The following PAK5 variants were observed in gnomAD, a reference collection of about 807,000 sequenced individuals.
PAK5 encodes the protein p21 (RAC1) activated kinase 5.
Under a neutral mutation model 65.9 loss-of-function variants are expected in PAK5, and 16 were observed. The ratio of observed to expected loss-of-function variants is 0.24; its 90% CI spans 0.16 to 0.37. PAK5 has a LOEUF of 0.37. Ranked by LOEUF, PAK5 falls within the 10% of genes least tolerant of loss-of-function variation. The pLI, the probability that PAK5 is intolerant of heterozygous loss-of-function variation, is 1.00. For synonymous variants in PAK5, 371 were observed against 354.9 expected (o/e 1.05, Z -0.51); for missense variants, 785 against 903.9 (o/e 0.87, Z 1.69).
chr20:9,657,758 G>A (rs928186489), intron 2 of PAK5, among the ~76,000 whole-genome samples: 3 of 152,162 alleles, frequency 2.0e-5, no homozygotes, highest in African/African-American at 4.8e-5. Context: ...AAAGGGGCAG[G>A]TCTTGCGAAC....
chr20:9,699,975 A>G (rs1439719129), intron 2 of PAK5, among the ~76,000 whole-genome samples: 1 of 152,152 alleles, frequency 6.6e-6, no homozygotes, highest in Non-Finnish European at 1.5e-5. Flanking sequence ...ATATCAAACT[A>G]GTTTTTTGAG....
At chr20:9,713,995 C>T (rs943656852) in intron 1 of PAK5, among the ~76,000 whole-genome samples, 1 of 151,952 alleles carries the variant, frequency 6.6e-6, no homozygotes, top group Non-Finnish European at 1.5e-5. Context: ...TTCAAAATAA[C>T]TAGAAGAGAA....
rs562269357 is a variant in PAK5, at chr20:9,652,435, TA to T, written c.-11-8097del. On this transcript the variant is annotated intron_variant, in intron 2 of 9. Transcript: ENST00000353224. ...ATAATCTAAAAATAAAGTTGTTTTC[TA>T]AAAAAAAATCATTATGTGTCAAAGT... Among the ~76,000 whole-genome samples, 542 of 151,808 alleles carry T rather than the reference TA, an allele frequency of 3.6e-3. 4 individuals are homozygous for T. Among genetic ancestry groups the T allele is most frequent in the African/African-American group, 0.013 (527 of 41,420 alleles).
At chr20:9,643,751 GA>G (rs2047097874) in intron 3 of PAK5, among the ~76,000 whole-genome samples, 1 of 152,040 alleles carries the variant, frequency 6.6e-6, no homozygotes, top group Non-Finnish European at 1.5e-5. Context: ...AGAGCAAATG[GA>G]AAACAACAAA....
intron 4 of PAK5, among the ~76,000 whole-genome samples, chr20:9,574,469 C>T (rs1023410821): frequency 2.0e-5 from 3 of 152,128 alleles, no homozygotes; most frequent in Non-Finnish European, 2.9e-5. Context: ...TCCGTCATCG[C>T]CTGCAGTGAT....
At chr20:9,591,588 G>A (rs2046171826) in intron 3 of PAK5, among the ~76,000 whole-genome samples, 1 of 145,950 alleles carries the variant, frequency 6.9e-6, no homozygotes, top group African/African-American at 2.5e-5. Context: ...CAAAGGAAAT[G>A]TTACATTGCA....
intron 7 of PAK5, among the ~76,000 whole-genome samples, chr20:9,545,863 A>G (rs2045336258): frequency 6.6e-6 from 1 of 152,002 alleles, no homozygotes; most frequent in East Asian, 1.9e-4. Context: ...ACCAACATCA[A>G]TCCAAGAAAA....
intron 2 of PAK5, among the ~76,000 whole-genome samples, chr20:9,666,354 T>G (rs2423396): frequency 0.084 from 11,462 of 137,154 alleles, 525 homozygotes; most frequent in African/African-American, 0.13. Flanking sequence ...GAATGAAAGG[T>G]CAGGCATCAT....
intron 2 of PAK5, among the ~76,000 whole-genome samples, chr20:9,682,478 G>A (rs1385161455): frequency 6.6e-6 from 1 of 152,182 alleles, no homozygotes; most frequent in Non-Finnish European, 1.5e-5. Context: ...TCCTCTCAAG[G>A]CGTTTCCTCA....
intron 3 of PAK5, among the ~76,000 whole-genome samples, chr20:9,601,217 A>G (rs1408538907): frequency 6.6e-6 from 1 of 152,164 alleles, no homozygotes; most frequent in Non-Finnish European, 1.5e-5. Context: ...AAAGATATTC[A>G]CATTGCCTTA....
intron 1 of PAK5, among the ~76,000 whole-genome samples, chr20:9,763,125 G>A (rs1321066766): frequency 6.6e-6 from 1 of 152,080 alleles, no homozygotes; most frequent in African/African-American, 2.4e-5. Context: ...AAGGGGAAAT[G>A]GGGAAGCAAT....
chr20:9,706,681 T>C (rs1569050713), intron 2 of PAK5, among the ~76,000 whole-genome samples: 1 of 151,726 alleles, frequency 6.6e-6, no homozygotes, highest in East Asian at 1.9e-4. Flanking sequence ...GCTGTTGTTG[T>C]TTGTTTTGTA....
intron 2 of PAK5, among the ~76,000 whole-genome samples, chr20:9,691,807 C>T (rs1488203618): frequency 1.3e-5 from 2 of 152,102 alleles, no homozygotes; most frequent in East Asian, 1.9e-4. Context: ...TCAAGAAAAC[C>T]CCATATTCAG....
At position 9,604,879 on chromosome 20, in the gene PAK5, T is replaced by TATC. The variant is rs377218136; in HGVS notation, c.205-23952_205-23950dup. The stretch of plus-strand genomic sequence containing the variant: ...CTTGTACAACTCCTCACTGGGGCGT[T>TATC]ATCTGGGATGCAGCTTTATTCAGAA... On this transcript the variant is annotated intron_variant, in intron 3 of 9. Transcript: ENST00000353224. Among the ~76,000 whole-genome samples the TATC allele has an allele frequency of 7.1e-4, 108 of 152,310 alleles. 2 individuals carry two copies. The East Asian group carries it at 0.021, about 29-fold the overall frequency.
chr20:9,753,188 T>C (rs533213747), intron 1 of PAK5, among the ~76,000 whole-genome samples: 160 of 152,296 alleles, frequency 1.1e-3, no homozygotes, highest in African/African-American at 3.6e-3. Context: ...AAATGCTTGT[T>C]CTAAATTGCT....
At chr20:9,750,916 T>C (rs1055690324) in intron 1 of PAK5, among the ~76,000 whole-genome samples, 3 of 152,152 alleles carry the variant, frequency 2.0e-5, no homozygotes, top group African/African-American at 7.2e-5. Context: ...TTTATCTGAT[T>C]TCCCAAGCCC....
chr20:9,627,544 G>A lies in PAK5; in HGVS notation c.204+16581C>T, dbSNP rs187723621. ...AGGTGAAAGATACCACTGGAAGCCT[G>A]CCCTTAGAAACCTCACACTTGAATG... On this transcript the variant is annotated intron_variant, in intron 3 of 9. Coordinates refer to ENST00000353224, the MANE Select transcript of PAK5 (RefSeq NM_177990.4). Among the ~76,000 whole-genome samples, 4 of 152,328 alleles carry A rather than the reference G, an allele frequency of 2.6e-5. No homozygotes were observed. The East Asian group carries it at 5.8e-4, about 22-fold the overall frequency.
intron 3 of PAK5, among the ~76,000 whole-genome samples, chr20:9,612,282 T>C (rs1196969191): frequency 1.3e-5 from 2 of 152,306 alleles, no homozygotes; most frequent in East Asian, 3.9e-4. Context: ...TAATGTCGTC[T>C]CCGTCTGGAG....
intron 2 of PAK5, among the ~76,000 whole-genome samples, chr20:9,652,306 G>T (rs1182240641): frequency 6.6e-6 from 1 of 152,042 alleles, no homozygotes; most frequent in Non-Finnish European, 1.5e-5. Flanking sequence ...AAGAACAAAA[G>T]ATTCTCCAGT....
Sources: gnomAD v4.1 joint callset for allele counts (sites outside exome capture counted in the v4.1 genomes callset) on GRCh38, gnomAD v4.1.1 for gene constraint, MANE v1.5 for transcripts, NCBI Gene and HGNC (gene_info 2026-07-23, HGNC 2026-07-21) for gene names.